LRRCC1: variants seen among roughly 807,000 people sequenced by gnomAD.
LRRCC1 encodes the protein leucine rich repeat and coiled-coil centrosomal protein 1.
Under a neutral mutation model 126.0 loss-of-function variants are expected in LRRCC1, and 115 were observed. That is an observed-to-expected ratio of 0.91 (90% CI 0.78 to 1.07). The LOEUF is 1.07. Ranked by LOEUF, LRRCC1 falls within the 50% of genes least tolerant of loss-of-function variation. The pLI, the probability that LRRCC1 is intolerant of heterozygous loss-of-function variation, is 0.00. For synonymous variants in LRRCC1, 400 were observed against 393.4 expected, an observed-to-expected ratio of 1.02 and a Z score of -0.20; for missense variants, 1,172 against 1,175.7, an observed-to-expected ratio of 1.00 and a Z score of 0.05.
rs764836433 is a variant in LRRCC1, at chr8:85,137,480, A to G, written c.2346A>G (p.Gln782=). 1 of 1,556,370 alleles carries G rather than the reference A, an allele frequency of 6.4e-7. No individual in the cohort carries two copies. The highest frequency in any genetic ancestry group is 8.6e-7 in the Non-Finnish European group (1 of 1,160,008). The change falls in exon 15 of 19, where the codon CAA becomes CAG. Residue 782 remains glutamine (Q), a synonymous_variant. Transcript: ENST00000360375. ...ELAQQGSSLA[Q]NRGKLEAQIE... The stretch of plus-strand genomic sequence containing the variant: ...GTTTCTTAGGATCTTCTCTAGCCCA[A>G]AATCGTGGAAAATTGGAGGCTCAAA...
rs1811142118 is a variant in LRRCC1 at position 85,139,838 on chromosome 8, T to G, written c.2840+1363T>G. ...AGATAGGTTCTAATTATGTCAAATC[T>G]AATGTAACCTGGAATTTGATTTCTT... On this transcript the variant is annotated intron_variant, in intron 17 of 18. Coordinates refer to ENST00000360375, the MANE Select transcript of LRRCC1 (RefSeq NM_033402.5). Among the ~76,000 whole-genome samples, 4 of 152,332 alleles carry G rather than the reference T, an allele frequency of 2.6e-5. No homozygotes were observed. In the South Asian group the frequency reaches 8.3e-4, roughly 32 times the overall value.
chr8:85,115,030 T>C, intron 4 of LRRCC1, 70 bp from the exon 5 acceptor site: 1 of 1,227,728 alleles, frequency 8.1e-7, no homozygotes, highest in Non-Finnish European at 1.1e-6. Context: ...GCTGATAAAT[T>C]TAGTTTATTC....
Position 85,109,749 on chromosome 8 carries a change from A to T in LRRCC1, c.259A>T (p.Thr87Ser). 1 of 1,600,398 alleles carries T rather than the reference A, an allele frequency of 6.2e-7. No homozygotes were observed. The highest frequency in any genetic ancestry group is 1.3e-5 in the African/African-American group (1 of 74,738). The change falls in exon 2 of 19, where the codon ACA becomes TCA. Residue 87 changes from threonine to serine, a missense_variant. By Grantham distance (58) the Thr-to-Ser change is moderately conservative. Coordinates refer to ENST00000360375, the MANE Select transcript of LRRCC1 (RefSeq NM_033402.5). ...ISRIEGLNTL[T>S]KLCTLNLSCN... The stretch of plus-strand genomic sequence containing the variant: ...TAGAATTGAAGGACTAAACACACTG[A>T]CAAAACTGTGCACATTAAATTTGTC...
intron 6 of LRRCC1, among the ~76,000 whole-genome samples, chr8:85,121,207 G>T (rs767442431): frequency 2.0e-5 from 3 of 152,144 alleles, no homozygotes; most frequent in Non-Finnish European, 1.5e-5. Flanking sequence ...AATGGGTCTT[G>T]TGGACAGAAG....
intron 6 of LRRCC1, among the ~76,000 whole-genome samples, chr8:85,120,270 G>C (rs570078946): frequency 6.6e-6 from 1 of 152,080 alleles, no homozygotes; most frequent in Non-Finnish European, 1.5e-5. Flanking sequence ...TTTTGTGTCT[G>C]TTCTATCAGT....
At chr8:85,124,339 C>T (rs1236236959) in intron 7 of LRRCC1, among the ~76,000 whole-genome samples, 1 of 152,174 alleles carries the variant, frequency 6.6e-6, no homozygotes, top group African/African-American at 2.4e-5. Context: ...ATTCAGTTCA[C>T]TTCAAACACT....
At position 85,136,278 on chromosome 8, in the gene LRRCC1, T is replaced by G. The variant is rs554262253; in HGVS notation, c.2329+315T>G. On this transcript the variant is annotated intron_variant, in intron 14 of 18. Transcript: ENST00000360375. ...ATCTGAATATATTGTTAAAAATAAT[T>G]CTTTTTTTTTTTTGAGACAGAGTTT... Among the ~76,000 whole-genome samples the G allele has an allele frequency of 2.7e-5, 4 of 149,762 alleles. No homozygotes were observed. In the South Asian group the frequency reaches 8.3e-4, roughly 31 times the overall value.
intron 3 of LRRCC1, among the ~76,000 whole-genome samples, chr8:85,112,490 C>T (rs566111463): frequency 3.3e-5 from 5 of 152,192 alleles, no homozygotes; most frequent in East Asian, 3.9e-4. Flanking sequence ...TAAGCTTGTG[C>T]GAGAAATATT....
At chr8:85,112,475 C>G (rs1484075623) in intron 3 of LRRCC1, among the ~76,000 whole-genome samples, 3 of 152,138 alleles carry the variant, frequency 2.0e-5, no homozygotes. Flanking sequence ...ACAAAATGTT[C>G]TAGATAAGCT....
At chr8:85,118,389 A>G (rs538076839) in intron 6 of LRRCC1, among the ~76,000 whole-genome samples, 1 of 152,160 alleles carries the variant, frequency 6.6e-6, no homozygotes, top group South Asian at 2.1e-4. Context: ...TCTTCACTAA[A>G]CAGCTATAAG....
chr8:85,115,906 CAG>C (rs1302784272), intron 6 of LRRCC1, among the ~76,000 whole-genome samples: 2 of 152,180 alleles, frequency 1.3e-5, no homozygotes, highest in African/African-American at 2.4e-5. Context: ...TCTTTGGACT[CAG>C]TGTTACTTAA....
rs1413963324 is a variant in LRRCC1 at position 85,115,427 on chromosome 8, T to C, written c.773T>C (p.Leu258Ser). The change falls in exon 6 of 19, where the codon TTG (leucine) becomes TCG (serine). Residue 258 changes from leucine to serine, a missense_variant. By Grantham distance (145) the Leu-to-Ser change is moderately radical. Transcript: ENST00000360375. ...GCACCTATCGATGAGTTAGTTCCCT[T>C]GGAACAGTTTGCAAGTACACCAAGT... ...ITAPIDELVP[L>S]EQFASTPSDA... The C allele has an allele frequency of 1.3e-5, 21 of 1,613,724 alleles. No homozygotes were observed. Among genetic ancestry groups the C allele is most frequent in the Non-Finnish European group, 1.7e-5 (20 of 1,179,796 alleles).
At chr8:85,129,100 C>A (rs1810239380) in intron 9 of LRRCC1, 75 bp from the exon 10 acceptor site, 3 of 1,051,544 alleles carry the variant, frequency 2.9e-6, no homozygotes, top group Non-Finnish European at 4.3e-6. Flanking sequence ...TCAGAGAGTA[C>A]TCTCATTGAA....
chr8:85,130,164 C>A (rs1414835309), intron 11 of LRRCC1, 106 bp downstream of exon 11: 6 of 813,856 alleles, frequency 7.4e-6, no homozygotes, highest in South Asian at 6.7e-5. Flanking sequence ...GAGACGGAGT[C>A]TTGCTCTGTC....
At chr8:85,129,436 A>G in intron 10 of LRRCC1, 57 bp downstream of exon 10, 1 of 1,393,576 alleles carries the variant, frequency 7.2e-7, no homozygotes, top group South Asian at 1.3e-5. Flanking sequence ...CATAGCTTCT[A>G]TCGTGAAACA....
chr8:85,140,240 T>C (rs1174864586), intron 17 of LRRCC1, among the ~76,000 whole-genome samples: 1 of 152,218 alleles, frequency 6.6e-6, no homozygotes, highest in East Asian at 1.9e-4. Flanking sequence ...AAGGGAATTG[T>C]AATAAAATAA....
At chr8:85,129,889 A>G (rs372972782) in intron 10 of LRRCC1, 30 bp from the exon 11 acceptor site, 2 of 1,477,294 alleles carry the variant, frequency 1.4e-6, no homozygotes, top group African/African-American at 2.9e-5. Context: ...ACTATTATCT[A>G]AATAATGTAA....
At chr8:85,121,382 C>T (rs2135944280) in intron 6 of LRRCC1, among the ~76,000 whole-genome samples, 1 of 151,996 alleles carries the variant, frequency 6.6e-6, no homozygotes, top group Middle Eastern at 3.4e-3. Flanking sequence ...TTCCTACTTT[C>T]TGTTGGATAA....
intron 7 of LRRCC1, among the ~76,000 whole-genome samples, chr8:85,124,579 G>A (rs1221450415): frequency 6.6e-6 from 1 of 152,078 alleles, no homozygotes; most frequent in East Asian, 1.9e-4. Context: ...GAACATTTAT[G>A]AAATCATTAT....
Sources: allele counts gnomAD v4.1 joint callset (sites outside exome capture counted in the v4.1 genomes callset), GRCh38; gene constraint gnomAD v4.1.1; transcripts MANE v1.5; gene names NCBI Gene and HGNC (gene_info 2026-07-23, HGNC 2026-07-21).